Variants in SLC36A1 observed in about 807,000 individuals in gnomAD.
SLC36A1 encodes solute carrier family 36 member 1.
Under a neutral mutation model 47.5 loss-of-function variants are expected in SLC36A1, and 30 were observed. The observed-to-expected ratio is 0.63, with a 90% CI of 0.47 to 0.86. The LOEUF (loss-of-function observed/expected upper bound fraction) is 0.86. SLC36A1 is among the 40% of genes least tolerant of loss of function. SLC36A1 has a pLI of 0.00. For missense variants in SLC36A1, 517 were observed against 606.0 expected (o/e 0.85, Z 1.54); for synonymous variants, 255 against 249.7 (o/e 1.02, Z -0.20).
chr5:151,354,782 C>T, the SLC36A1 span, among the ~76,000 whole-genome samples: 162 of 152,292 alleles, frequency 1.1e-3, no homozygotes, highest in African/African-American at 3.6e-3. Flanking sequence ...CATGCACATA[C>T]CTGAACCAAT....
chr5:151,468,301 T>TATATATATATA (rs1756858867), intron 7 of SLC36A1, among the ~76,000 whole-genome samples: 1 of 93,404 alleles, frequency 1.1e-5, no homozygotes, highest in African/African-American at 4.0e-5. Context: ...ATATTTTATA[T>TATATATATATA]ATATATATTT....
the SLC36A1 span, chr5:151,511,964 T>C: frequency 3.4e-6 from 2 of 589,426 alleles, no homozygotes; most frequent in African/African-American, 3.7e-5. Flanking sequence ...AGTAGAAAGA[T>C]AGTTTTTGTT....
the SLC36A1 span, among the ~76,000 whole-genome samples, chr5:151,349,510 C>A: frequency 1.3e-5 from 2 of 152,208 alleles, no homozygotes; most frequent in South Asian, 4.2e-4. Context: ...TATTATTCCC[C>A]TTCAAACTCC....
intron 1 of SLC36A1, among the ~76,000 whole-genome samples, chr5:151,440,681 C>A (rs963904890): frequency 1.9e-4 from 29 of 152,090 alleles, no homozygotes; most frequent in African/African-American, 7.0e-4. Flanking sequence ...ATATATAGAA[C>A]CTTTAAGCGC....
chr5:151,469,211 G>T (rs1265725502), intron 7 of SLC36A1: 1 of 696,776 alleles, frequency 1.4e-6, no homozygotes, highest in Admixed American at 2.0e-5. Context: ...TCCTCTCAGG[G>T]ACCCGCTGTA....
chr5:151,484,270 G>C (rs779518775), intron 10 of SLC36A1, among the ~76,000 whole-genome samples: 1 of 152,176 alleles, frequency 6.6e-6, no homozygotes, highest in Non-Finnish European at 1.5e-5. Flanking sequence ...CATTTTCTCT[G>C]ATAATAAAGG....
rs1234304685 is a variant in SLC36A1 at position 151,458,776 on chromosome 5, C to G, written c.-5-12C>G. The G allele has an allele frequency of 4.3e-6, 7 of 1,612,474 alleles. No homozygotes were observed. The Admixed American group carries it at 5.0e-5, about 12-fold the overall frequency. ...GCTGCAGGAGGTCTTAATGCTGGCC[C>G]TGTCCCCCCAGCTGCCATGTCCACG... On this transcript the variant is annotated splice_polypyrimidine_tract_variant and intron_variant, in intron 1 of 10. Transcript: ENST00000243389.
the SLC36A1 span, among the ~76,000 whole-genome samples, chr5:151,373,471 G>A: frequency 6.6e-6 from 1 of 152,186 alleles, no homozygotes; most frequent in Admixed American, 6.5e-5. Context: ...ATGCAAATCA[G>A]AAGACATTGA....
At chr5:151,502,537 A>G in the SLC36A1 span, among the ~76,000 whole-genome samples, 6 of 148,186 alleles carry the variant, frequency 4.0e-5, no homozygotes, top group Non-Finnish European at 5.9e-5. Context: ...AAAAAAAAGC[A>G]CATGAAAAGA....
chr5:151,425,614 T>C, the SLC36A1 span, among the ~76,000 whole-genome samples: 1 of 151,970 alleles, frequency 6.6e-6, no homozygotes, highest in Non-Finnish European at 1.5e-5. Context: ...GGATGGATGA[T>C]GAGTGAATAA....
the SLC36A1 span, chr5:151,525,890 AG>A: frequency 1.2e-6 from 2 of 1,613,916 alleles, no homozygotes; most frequent in Non-Finnish European, 1.7e-6. Context: ...CGAAACGAGT[AG>A]GGGGGGCCAT....
intron 10 of SLC36A1, among the ~76,000 whole-genome samples, chr5:151,482,294 C>G (rs1758907484): frequency 6.6e-6 from 1 of 152,106 alleles, no homozygotes; most frequent in South Asian, 2.1e-4. Flanking sequence ...CATTCCCCGC[C>G]CAGGAACCCT....
At chr5:151,468,215 G>A (rs536436900) in intron 7 of SLC36A1, among the ~76,000 whole-genome samples, 1 of 124,328 alleles carries the variant, frequency 8.0e-6, no homozygotes, top group South Asian at 2.6e-4. Flanking sequence ...TCATGCTACT[G>A]CACTCCGACC....
the SLC36A1 span, among the ~76,000 whole-genome samples, chr5:151,501,198 C>A: frequency 6.6e-6 from 1 of 152,214 alleles, no homozygotes; most frequent in Admixed American, 6.5e-5. Context: ...GAAGAGGGGG[C>A]CCCTGACAGT....
At chr5:151,395,625 T>C in the SLC36A1 span, among the ~76,000 whole-genome samples, 2 of 152,166 alleles carry the variant, frequency 1.3e-5, no homozygotes, top group African/African-American at 4.8e-5. Flanking sequence ...TGAGTTGGTG[T>C]GTGTGCATCA....
the SLC36A1 span, among the ~76,000 whole-genome samples, chr5:151,400,129 C>T: frequency 2.0e-5 from 3 of 152,084 alleles, no homozygotes; most frequent in African/African-American, 7.2e-5. Flanking sequence ...TCTTAGTACC[C>T]AATGGGTGGT....
At chr5:151,547,637 A>G in the SLC36A1 span, among the ~76,000 whole-genome samples, 20 of 152,338 alleles carry the variant, frequency 1.3e-4, no homozygotes, top group Admixed American at 5.2e-4. Context: ...TATAACCGCT[A>G]AATTCAGTCA....
intron 5 of SLC36A1, 56 bp from the exon 6 acceptor site, chr5:151,467,143 G>T: frequency 7.4e-7 from 1 of 1,351,012 alleles, no homozygotes; most frequent in Non-Finnish European, 1.0e-6. Flanking sequence ...TCCCCTTCTG[G>T]GAGCATTGCA....
At chr5:151,424,385 GAGCTAAGAAGGCAGACAAGCGA>G in the SLC36A1 span, among the ~76,000 whole-genome samples, 3 of 152,204 alleles carry the variant, frequency 2.0e-5, no homozygotes, top group South Asian at 6.2e-4. Context: ...CTGATCTCCA[GAGCTAAGAAGGCAGACAAGCGA>G]AGCTAAGAAG....
Sources: gnomAD v4.1 joint callset for allele counts (sites outside exome capture counted in the v4.1 genomes callset) on GRCh38, gnomAD v4.1.1 for gene constraint, MANE v1.5 for transcripts, NCBI Gene and HGNC (gene_info 2026-07-23, HGNC 2026-07-21) for gene names.